Variants in GSE1 observed in about 807,000 individuals in gnomAD.
The protein encoded by GSE1 is genetic suppressor element 1.
Under a neutral mutation model 112.6 loss-of-function variants are expected in GSE1, and 32 were observed. The observed-to-expected ratio is 0.28, with a 90% confidence interval of 0.21 to 0.38. GSE1 has a LOEUF of 0.38. Among genes scored for constraint, GSE1 ranks in the 10% least tolerant of loss-of-function variants. The pLI, the probability that GSE1 is intolerant of heterozygous loss-of-function variation, is 1.00. For missense variants in GSE1, 2,348 were observed against 1,699.2 expected (o/e 1.38, Z -6.71); for synonymous variants, 1,115 against 735.6 (o/e 1.52, Z -8.35).
chr16:85,484,787 G>A (rs889005395), intron 2 of GSE1, among the ~76,000 whole-genome samples: 10 of 152,236 alleles, frequency 6.6e-5, no homozygotes, highest in Non-Finnish European at 1.3e-4. Context: ...CGCCGGCTCT[G>A]TGCCTGGGGT....
chr16:85,478,899 C>CTTTTCT (rs752084590), intron 2 of GSE1, among the ~76,000 whole-genome samples: 2 of 76,654 alleles, frequency 2.6e-5, no homozygotes, highest in Admixed American at 1.6e-4. Flanking sequence ...TTCTTTCTTT[C>CTTTTCT]TTTCTTTCTT....
intron 2 of GSE1, among the ~76,000 whole-genome samples, chr16:85,421,500 G>T (rs976292261): frequency 6.6e-6 from 1 of 152,236 alleles, no homozygotes; most frequent in African/African-American, 2.4e-5. Context: ...GCCCAAGCTG[G>T]GTCTCAAACA....
intron 1 of GSE1, among the ~76,000 whole-genome samples, chr16:85,259,604 G>T (rs755605465): frequency 6.6e-6 from 1 of 152,218 alleles, no homozygotes; most frequent in Non-Finnish European, 1.5e-5. Context: ...TTGTCCTGCT[G>T]CTGGGGTTTT....
intron 1 of GSE1, among the ~76,000 whole-genome samples, chr16:85,254,841 G>A (rs1039165435): frequency 3.9e-5 from 6 of 152,220 alleles, no homozygotes; most frequent in Non-Finnish European, 7.3e-5. Context: ...TGCTATGCCC[G>A]TTTCACACCT....
upstream of GSE1, among the ~76,000 whole-genome samples, chr16:85,610,849 G>C (rs756663292): frequency 2.6e-5 from 4 of 152,328 alleles, no homozygotes; most frequent in Non-Finnish European, 5.9e-5. Flanking sequence ...TCTGTGAAAC[G>C]GGACCAGACC....
At chr16:85,631,957 G>GGCAGCGTGGCTGGCGGTGCGGAGCAGAGA (rs1433246052) in intron 1 of GSE1, among the ~76,000 whole-genome samples, 1 of 152,266 alleles carries the variant, frequency 6.6e-6, no homozygotes. Context: ...CCGCCTTGGG[G>GGCAGCGTGGCTGGCGGTGCGGAGCAGAGA]GCAGCGTGGC....
chr16:85,579,466 G>A (rs971245585), intron 1 of GSE1, among the ~76,000 whole-genome samples: 6 of 152,138 alleles, frequency 3.9e-5, no homozygotes, highest in South Asian at 4.1e-4. Context: ...ATGATAATCC[G>A]GCCTGGCCCT....
chr16:85,590,512 AGTGT>A (rs201743158), intron 1 of GSE1, among the ~76,000 whole-genome samples: 5 of 109,594 alleles, frequency 4.6e-5, no homozygotes, highest in Middle Eastern at 0.018. Flanking sequence ...TGTGTGAATG[AGTGT>A]GTGTGTGATT....
intron 1 of GSE1, among the ~76,000 whole-genome samples, chr16:85,331,703 ATATAT>A (rs1203532550): frequency 0.039 from 1,580 of 40,596 alleles, 128 homozygotes; most frequent in African/African-American, 0.079. Flanking sequence ...ATATATATAT[ATATAT>A]TTTTTTTTTT....
intron 1 of GSE1, among the ~76,000 whole-genome samples, chr16:85,332,095 T>C (rs1464529787): frequency 1.3e-5 from 2 of 152,038 alleles, no homozygotes; most frequent in African/African-American, 4.8e-5. Context: ...AGGTCTGAAG[T>C]GGGGAGCCAG....
chr16:85,400,778 CTCTG>C (rs2048092087), intron 2 of GSE1, among the ~76,000 whole-genome samples: 4 of 145,360 alleles, frequency 2.8e-5, no homozygotes, highest in Admixed American at 6.9e-5. Context: ...ATGTGTGTGT[CTCTG>C]TGTGTGTGGT....
At chr16:85,284,053 G>C (rs917568765) in intron 1 of GSE1, among the ~76,000 whole-genome samples, 1 of 152,170 alleles carries the variant, frequency 6.6e-6, no homozygotes, top group Non-Finnish European at 1.5e-5. Flanking sequence ...GTCCCTCCCA[G>C]CAATTAAATG....
chr16:85,194,352 G>A (rs1177867180), intron 1 of GSE1, among the ~76,000 whole-genome samples: 2 of 152,140 alleles, frequency 1.3e-5, no homozygotes, highest in Non-Finnish European at 2.9e-5. Flanking sequence ...TTCGCTTAAC[G>A]TCACCCAGGA....
At chr16:85,416,411 G>C (rs1284675403) in intron 2 of GSE1, among the ~76,000 whole-genome samples, 2 of 152,096 alleles carry the variant, frequency 1.3e-5, no homozygotes, top group Non-Finnish European at 2.9e-5. Context: ...GTGGTGAGAT[G>C]GGGTGGGGCC....
chr16:85,227,475 G>T (rs2075508812), intron 1 of GSE1, among the ~76,000 whole-genome samples: 1 of 152,238 alleles, frequency 6.6e-6, no homozygotes, highest in Admixed American at 6.5e-5. Context: ...AGTTGACTGG[G>T]TGGGTGAGAG....
At chr16:85,603,738 C>T (rs2047566494) in intron 1 of GSE1, among the ~76,000 whole-genome samples, 1 of 152,150 alleles carries the variant, frequency 6.6e-6, no homozygotes, top group South Asian at 2.1e-4. Context: ...AACTCCAGGG[C>T]TCAAGCGATC....
chr16:85,588,821 C>T (rs1448403111), intron 1 of GSE1, among the ~76,000 whole-genome samples: 1 of 152,158 alleles, frequency 6.6e-6, no homozygotes, highest in Non-Finnish European at 1.5e-5. Flanking sequence ...CCCAGATAAG[C>T]ACCCGAGGCC....
intron 2 of GSE1, among the ~76,000 whole-genome samples, chr16:85,438,232 T>G (rs142284180): frequency 7.8e-4 from 119 of 152,304 alleles, no homozygotes; most frequent in African/African-American, 2.7e-3. Context: ...AGTGAATGAA[T>G]GAAGACTTGA....
chr16:85,248,944 C>T (rs568870153), intron 1 of GSE1, among the ~76,000 whole-genome samples: 49 of 152,212 alleles, frequency 3.2e-4, no homozygotes, highest in African/African-American at 8.4e-4. Flanking sequence ...CTGGAGCTTC[C>T]GGGGCGTTAT....
Sources: allele counts gnomAD v4.1 joint callset (sites outside exome capture counted in the v4.1 genomes callset), GRCh38; gene constraint gnomAD v4.1.1; transcripts MANE v1.5; gene names NCBI Gene and HGNC (gene_info 2026-07-23, HGNC 2026-07-21).